Variants in IQGAP2 observed in about 807,000 individuals in gnomAD.
IQGAP2 encodes ras GTPase-activating-like protein IQGAP2.
In IQGAP2, 173 loss-of-function variants were observed where a neutral mutation model predicts 201.3. The ratio of observed to expected loss-of-function variants is 0.86; its 90% CI spans 0.76 to 0.98. The LOEUF (loss-of-function observed/expected upper bound fraction) is 0.98, where lower values mean the gene tolerates loss of function less well. Ranked by LOEUF, IQGAP2 falls within the 50% of genes least tolerant of loss-of-function variation. The probability of loss-of-function intolerance (pLI) is 0.00; values close to 1 mark genes in which losing one functional copy is unlikely to be tolerated. For missense variants in IQGAP2, 1,687 were observed against 1,864.8 expected, an observed-to-expected ratio of 0.90 and a Z score of 1.76; for synonymous variants, 675 against 673.9, an observed-to-expected ratio of 1.00 and a Z score of -0.03.
At chr5:76,470,282 A>C (rs562241258) in intron 2 of IQGAP2, among the ~76,000 whole-genome samples, 1 of 152,274 alleles carries the variant, frequency 6.6e-6, no homozygotes, top group Admixed American at 6.5e-5. Flanking sequence ...AATGACACCC[A>C]TCATTTATGC....
chr5:76,574,572 A>C (rs1194382503), intron 4 of IQGAP2, among the ~76,000 whole-genome samples: 3 of 152,240 alleles, frequency 2.0e-5, no homozygotes, highest in Non-Finnish European at 4.4e-5. Context: ...CCTGGCCTGA[A>C]ATCTGTTTCT....
intron 31 of IQGAP2, 76 bp downstream of exon 31, chr5:76,693,518 T>C (rs1243370928): frequency 3.1e-6 from 3 of 967,760 alleles, no homozygotes; most frequent in Non-Finnish European, 4.9e-6. Flanking sequence ...CATATGTTTA[T>C]TATCTCAGAG....
At chr5:76,504,852 C>G (rs60283739) in intron 2 of IQGAP2, among the ~76,000 whole-genome samples, 6,189 of 152,196 alleles carry the variant, frequency 0.041, 405 homozygotes, top group African/African-American at 0.14. Context: ...AAATCTCTGT[C>G]CTTAGGCCCA....
At chr5:76,641,211 C>A (rs2150403235) in intron 17 of IQGAP2, 108 bp downstream of exon 17, 2 of 843,656 alleles carry the variant, frequency 2.4e-6, no homozygotes, top group Non-Finnish European at 3.6e-6. Context: ...ACAAATCTGA[C>A]TGCATATTTT....
chr5:76,466,297 T>A (rs1481887890), intron 2 of IQGAP2, among the ~76,000 whole-genome samples: 1 of 152,152 alleles, frequency 6.6e-6, no homozygotes, highest in Non-Finnish European at 1.5e-5. Context: ...ATCACACCAC[T>A]GCACTCCAGG....
intron 9 of IQGAP2, among the ~76,000 whole-genome samples, chr5:76,593,235 T>C (rs1312880652): frequency 6.6e-6 from 1 of 152,228 alleles, no homozygotes; most frequent in Non-Finnish European, 1.5e-5. Context: ...TAGTAAAAGA[T>C]TATAATTTAC....
At chr5:76,472,267 A>T (rs1008575125) in intron 2 of IQGAP2, among the ~76,000 whole-genome samples, 21 of 152,222 alleles carry the variant, frequency 1.4e-4, no homozygotes, top group African/African-American at 5.1e-4. Flanking sequence ...GTAGCTTGGC[A>T]GAGTTGGAGA....
At chr5:76,626,263 T>C (rs1750217249) in intron 13 of IQGAP2, among the ~76,000 whole-genome samples, 1 of 94,272 alleles carries the variant, frequency 1.1e-5, no homozygotes, top group South Asian at 4.1e-4. Context: ...CTTTTTTTTC[T>C]TCTTTTCTTT....
At chr5:76,650,219 T>C (rs460431) in intron 17 of IQGAP2, among the ~76,000 whole-genome samples, 76,214 of 152,144 alleles carry the variant, frequency 0.5, 19,534 homozygotes, top group Non-Finnish European at 0.56. Flanking sequence ...GCATGAGCCA[T>C]CATGTCCAGT....
chr5:76,688,809 C>T (rs1259110260), intron 30 of IQGAP2, among the ~76,000 whole-genome samples: 1 of 152,052 alleles, frequency 6.6e-6, no homozygotes, highest in African/African-American at 2.4e-5. Flanking sequence ...ATATTCTCAG[C>T]AACCCCAAGA....
chr5:76,676,077 TCACACACACACACACACA>T (rs34099080), intron 27 of IQGAP2, among the ~76,000 whole-genome samples: 78 of 135,670 alleles, frequency 5.7e-4, no homozygotes, highest in African/African-American at 2.1e-3. Context: ...TAAGACTCTG[TCACACACACACACACACA>T]CACACACACA....
At chr5:76,648,406 G>A (rs191895584) in intron 17 of IQGAP2, among the ~76,000 whole-genome samples, 27 of 152,260 alleles carry the variant, frequency 1.8e-4, no homozygotes, top group Admixed American at 1.5e-3. Context: ...ACCTAAAACA[G>A]TAGGATTAAA....
intron 1 of IQGAP2, among the ~76,000 whole-genome samples, chr5:76,454,145 A>G (rs1753928946): frequency 6.6e-6 from 1 of 152,254 alleles, no homozygotes; most frequent in East Asian, 1.9e-4. Flanking sequence ...ATCATTGCCT[A>G]TAATTCTTCC....
intron 2 of IQGAP2, among the ~76,000 whole-genome samples, chr5:76,554,931 A>T (rs1194871029): frequency 6.6e-6 from 1 of 152,226 alleles, no homozygotes; most frequent in Non-Finnish European, 1.5e-5. Flanking sequence ...ACTGATGAAT[A>T]AATAAATAAA....
Position 76,618,304 on chromosome 5 carries a change from G to C in IQGAP2, c.1521+7121G>C, listed in dbSNP as rs747484608. The C allele has an allele frequency of 6.8e-6, 11 of 1,614,202 alleles. No homozygotes were observed. The highest frequency in any genetic ancestry group is 8.5e-6 in the Non-Finnish European group (10 of 1,180,026). On this transcript the variant is annotated intron_variant, in intron 13 of 35. Coordinates refer to ENST00000274364, the MANE Select transcript of IQGAP2 (RefSeq NM_006633.5). ...CAAAAAAGAAAATCTGCAATGGCCA[G>C]GTTGGTGTAGAATACAGTGGTACAG... is the stretch of plus-strand genomic sequence containing the variant.
chr5:76,679,836 A>G (rs559954623), intron 28 of IQGAP2, among the ~76,000 whole-genome samples: 1 of 152,354 alleles, frequency 6.6e-6, no homozygotes, highest in East Asian at 1.9e-4. Flanking sequence ...TTTTAAAAAC[A>G]ACACGTAATT....
At chr5:76,486,555 G>T (rs139811954) in intron 2 of IQGAP2, among the ~76,000 whole-genome samples, 5 of 152,128 alleles carry the variant, frequency 3.3e-5, no homozygotes, top group African/African-American at 1.2e-4. Flanking sequence ...ATTTGACTTT[G>T]CTTAAATAGC....
chr5:76,586,362 A>G (rs1746246285), intron 5 of IQGAP2, among the ~76,000 whole-genome samples: 1 of 151,960 alleles, frequency 6.6e-6, no homozygotes, highest in Non-Finnish European at 1.5e-5. Context: ...AAAAAAAAAA[A>G]TGTTCTTTGT....
chr5:76,538,645 G>T (rs1028410188), intron 2 of IQGAP2, among the ~76,000 whole-genome samples: 3 of 152,160 alleles, frequency 2.0e-5, no homozygotes, highest in African/African-American at 7.2e-5. Flanking sequence ...ACATGAAATG[G>T]GTTTAACTTT....
Sources: allele counts gnomAD v4.1 joint callset (sites outside exome capture counted in the v4.1 genomes callset), GRCh38; gene constraint gnomAD v4.1.1; transcripts MANE v1.5; gene names NCBI Gene and HGNC (gene_info 2026-07-23, HGNC 2026-07-21).